The following VAV3 variants were observed in gnomAD, a reference collection of about 807,000 sequenced individuals.
VAV3 encodes guanine nucleotide exchange factor VAV3.
Under a neutral mutation model 131.2 loss-of-function variants are expected in VAV3, and 94 were observed. The observed-to-expected ratio is 0.72, with a 90% CI of 0.61 to 0.85. VAV3 has a LOEUF of 0.85. VAV3 is among the 40% of genes least tolerant of loss of function. The probability of loss-of-function intolerance (pLI) is 0.00; values close to 1 mark genes in which losing one functional copy is unlikely to be tolerated. For missense variants in VAV3, 939 were observed against 1,002.7 expected, an observed-to-expected ratio of 0.94 and a Z score of 0.86; for synonymous variants, 349 against 342.0, an observed-to-expected ratio of 1.02 and a Z score of -0.22.
At chr1:107,587,215 T>A (rs12146121) in intron 25 of VAV3, among the ~76,000 whole-genome samples, 12,559 of 152,230 alleles carry the variant, frequency 0.083, 533 homozygotes, top group East Asian at 0.12. Context: ...TGAATGAAAG[T>A]ATAACTTAAT....
At chr1:107,893,624 C>T (rs919739198) in intron 1 of VAV3, among the ~76,000 whole-genome samples, 3 of 152,066 alleles carry the variant, frequency 2.0e-5, no homozygotes, top group African/African-American at 2.4e-5. Flanking sequence ...CATCAGATCT[C>T]ATGAGACTTA....
At chr1:107,736,533 C>A (rs1174551316) in intron 15 of VAV3, among the ~76,000 whole-genome samples, 1 of 152,138 alleles carries the variant, frequency 6.6e-6, no homozygotes, top group African/African-American at 2.4e-5. Flanking sequence ...AATCAATGTG[C>A]AAAAATCACA....
intron 15 of VAV3, among the ~76,000 whole-genome samples, chr1:107,714,959 G>C (rs1661007491): frequency 6.6e-6 from 1 of 152,058 alleles, no homozygotes; most frequent in Admixed American, 6.5e-5. Flanking sequence ...GCATTTCAGT[G>C]ACATTGCAAA....
chr1:107,875,149 T>C, intron 1 of VAV3, 132 bp from the exon 2 acceptor site: 1 of 771,114 alleles, frequency 1.3e-6, no homozygotes, highest in Admixed American at 2.2e-5. Flanking sequence ...TTTCAATTAC[T>C]CATTCAGCAG....
intron 8 of VAV3, among the ~76,000 whole-genome samples, chr1:107,765,493 A>T (rs371903182): frequency 1.3e-5 from 2 of 152,234 alleles, no homozygotes; most frequent in Non-Finnish European, 2.9e-5. Context: ...AAACAAAATT[A>T]AAAATTTCTG....
At chr1:107,753,723 C>T (rs1028875445) in intron 12 of VAV3, among the ~76,000 whole-genome samples, 2 of 151,422 alleles carry the variant, frequency 1.3e-5, no homozygotes, top group Admixed American at 1.3e-4. Context: ...CCATGCCTGG[C>T]TAGTTTTTGT....
At chr1:107,777,119 A>T in intron 4 of VAV3, 112 bp downstream of exon 4, 1 of 945,664 alleles carries the variant, frequency 1.1e-6, no homozygotes, top group Non-Finnish European at 1.7e-6. Flanking sequence ...GTTAATCAGT[A>T]ATTAAGCCAC....
At chr1:107,855,597 T>C (rs1221276239) in intron 2 of VAV3, among the ~76,000 whole-genome samples, 1 of 152,070 alleles carries the variant, frequency 6.6e-6, no homozygotes, top group Non-Finnish European at 1.5e-5. Context: ...CATTTATATG[T>C]TAAATTTGTT....
chr1:107,573,419 C>A, intron 26 of VAV3, 47 bp from the exon 27 acceptor site: 1 of 1,610,118 alleles, frequency 6.2e-7, no homozygotes, highest in Non-Finnish European at 8.5e-7. Context: ...TTGTATCTGA[C>A]ACTTCAAAGG....
chr1:107,576,418 G>T, intron 25 of VAV3: 1 of 1,523,106 alleles, frequency 6.6e-7, no homozygotes, highest in Non-Finnish European at 8.8e-7. Context: ...GGAAGAAGGG[G>T]GAACAAAGCT....
chr1:107,742,761 A>G (rs895335377), intron 15 of VAV3, among the ~76,000 whole-genome samples: 2 of 152,224 alleles, frequency 1.3e-5, no homozygotes, highest in African/African-American at 4.8e-5. Context: ...GAGAAGTAAA[A>G]CTGAAACGAC....
intron 4 of VAV3, among the ~76,000 whole-genome samples, chr1:107,773,547 A>G (rs987930380): frequency 6.6e-6 from 1 of 152,182 alleles, no homozygotes; most frequent in African/African-American, 2.4e-5. Flanking sequence ...ATTCAGGGCC[A>G]TAACTAACAT....
At chr1:107,625,126 A>G (rs1230894190) in intron 20 of VAV3, among the ~76,000 whole-genome samples, 1 of 152,008 alleles carries the variant, frequency 6.6e-6, no homozygotes, top group Non-Finnish European at 1.5e-5. Context: ...GCTACCACCA[A>G]TGTTCTTTGC....
intron 19 of VAV3, among the ~76,000 whole-genome samples, chr1:107,681,654 CTTTTT>C (rs66909735): frequency 4.7e-5 from 6 of 127,398 alleles, no homozygotes; most frequent in Non-Finnish European, 6.8e-5. Flanking sequence ...TAATGGAAAA[CTTTTT>C]TTTTTTTTTT....
At chr1:107,618,894 T>C (rs533891649) in intron 20 of VAV3, among the ~76,000 whole-genome samples, 1 of 152,326 alleles carries the variant, frequency 6.6e-6, no homozygotes, top group East Asian at 1.9e-4. Context: ...GGTGATGGCA[T>C]TTCTTTAAAG....
intron 25 of VAV3, among the ~76,000 whole-genome samples, chr1:107,584,440 CA>C (rs1650332066): frequency 6.6e-6 from 1 of 152,080 alleles, no homozygotes; most frequent in African/African-American, 2.4e-5. Context: ...TTCTGCACGG[CA>C]AAAGAAACTA....
At chr1:107,889,130 A>AGTGTGTGTGT (rs1484310079) in intron 1 of VAV3, among the ~76,000 whole-genome samples, 1 of 42,742 alleles carries the variant, frequency 2.3e-5, no homozygotes, top group Non-Finnish European at 4.3e-5. Context: ...TCTCCTGTGT[A>AGTGTGTGTGT]GAGTGTGTGT....
At chr1:107,772,900 T>C (rs1665133453) in intron 4 of VAV3, 57 bp from the exon 5 acceptor site, 3 of 1,407,300 alleles carry the variant, frequency 2.1e-6, no homozygotes, top group Admixed American at 3.8e-5. Context: ...ATGCAATAGC[T>C]ACAAATAGCC....
intron 19 of VAV3, among the ~76,000 whole-genome samples, chr1:107,664,765 T>C: frequency 6.6e-6 from 1 of 151,958 alleles, no homozygotes; most frequent in East Asian, 1.9e-4. Flanking sequence ...ACACCAGATA[T>C]GGAGTATTAT....
Sources: allele counts gnomAD v4.1 joint callset (sites outside exome capture counted in the v4.1 genomes callset), GRCh38; gene constraint gnomAD v4.1.1; transcripts MANE v1.5; gene names NCBI Gene and HGNC (gene_info 2026-07-23, HGNC 2026-07-21).